Variants in NCKAP1 observed in about 807,000 individuals in gnomAD.
The protein encoded by NCKAP1 is NCK associated protein 1.
Under a neutral mutation model 151.2 loss-of-function variants are expected in NCKAP1, and 21 were observed. The observed-to-expected ratio is 0.14, with a 90% CI of 0.10 to 0.20. The LOEUF is 0.20. Ranked by LOEUF, NCKAP1 falls within the 10% of genes least tolerant of loss-of-function variation. The pLI, the probability that NCKAP1 is intolerant of heterozygous loss-of-function variation, is 1.00. For synonymous variants in NCKAP1, 484 were observed against 451.8 expected (o/e 1.07, Z -0.90); for missense variants, 933 against 1,352.1 (o/e 0.69, Z 4.86).
At chr2:182,964,522 A>G (rs983870475) in intron 17 of NCKAP1, among the ~76,000 whole-genome samples, 154 bp downstream of exon 17, 1 of 152,120 alleles carries the variant, frequency 6.6e-6, no homozygotes, top group Admixed American at 6.6e-5. Flanking sequence ...TATTAAACCT[A>G]TGTATCTGTT....
At chr2:182,976,426 C>A (rs1031215463) in intron 15 of NCKAP1, among the ~76,000 whole-genome samples, 3 of 152,136 alleles carry the variant, frequency 2.0e-5, no homozygotes, top group African/African-American at 7.2e-5. Context: ...TACAGCCATG[C>A]CCATTAAGTT....
At chr2:183,037,840 C>T in intron 1 of NCKAP1, 152 bp downstream of exon 1, 1 of 556,776 alleles carries the variant, frequency 1.8e-6, no homozygotes, top group Non-Finnish European at 3.0e-6. Context: ...TAGGCCGCGG[C>T]GCATCCAGGC....
intron 15 of NCKAP1, among the ~76,000 whole-genome samples, chr2:182,968,619 C>T (rs1398398220): frequency 1.3e-5 from 2 of 152,194 alleles, no homozygotes; most frequent in African/African-American, 4.8e-5. Context: ...ATCTGCAACA[C>T]AAACAGACTG....
intron 21 of NCKAP1, 28 bp from the exon 22 acceptor site, chr2:182,952,951 G>C (rs1387102230): frequency 9.4e-6 from 15 of 1,592,150 alleles, no homozygotes; most frequent in Admixed American, 1.8e-5. Context: ...CTTATAACCG[G>C]AAGAAACTGC....
At chr2:182,951,965 A>G (rs1165445853) in intron 23 of NCKAP1, among the ~76,000 whole-genome samples, 3 of 152,222 alleles carry the variant, frequency 2.0e-5, no homozygotes, top group African/African-American at 7.2e-5. Flanking sequence ...CTTAGAGGGC[A>G]TAAGATAATT....
At chr2:182,982,711 T>C in intron 12 of NCKAP1, 110 bp downstream of exon 12, 2 of 704,392 alleles carry the variant, frequency 2.8e-6, no homozygotes, top group Admixed American at 6.4e-5. Flanking sequence ...TAAATGAATT[T>C]CAACTTAACA....
In NCKAP1 at chr2:182,920,333, CTAAAACTGGTGTT is replaced by C. The variant is rs1696530214; in HGVS notation, c.*5356_*5368del. Reference sequence around the variant, plus strand: ...ATCTCTTTCTACTCAAGGGAAGATGCTAAAACTGGTGTTCATGCAATTAAAGATGACATGAACA... The same window carrying C: ...ATCTCTTTCTACTCAAGGGAAGATGCCATGCAATTAAAGATGACATGAACA... On this transcript the variant is annotated 3_prime_UTR_variant, in exon 31 of 31. Coordinates refer to ENST00000361354, the MANE Select transcript of NCKAP1 (RefSeq NM_013436.5). 1 of 152,054 alleles carries C rather than the reference CTAAAACTGGTGTT, an allele frequency of 6.6e-6. No individual in the cohort carries two copies. The highest frequency in any genetic ancestry group is 2.1e-4 in the South Asian group (1 of 4,824). 9.4% of individuals were successfully genotyped at this position (152,054 alleles called of 1,614,324 possible). A position where few individuals can be genotyped will look rare whatever the true frequency, so the allele number is the denominator to read the frequency against.
At chr2:182,941,020 G>C (rs1398277199) in intron 24 of NCKAP1, among the ~76,000 whole-genome samples, 1 of 152,026 alleles carries the variant, frequency 6.6e-6, no homozygotes, top group Non-Finnish European at 1.5e-5. Flanking sequence ...CAAATATGAA[G>C]TATGTTAAAT....
intron 20 of NCKAP1, among the ~76,000 whole-genome samples, chr2:182,954,594 T>C (rs564915853): frequency 1.3e-5 from 2 of 152,226 alleles, no homozygotes; most frequent in South Asian, 4.1e-4. Context: ...GCTATCTGGC[T>C]GGCCAATATG....
Position 182,915,966 on chromosome 2 carries a change from C to T in NCKAP1, c.*9736G>A, listed in dbSNP as rs184472659. ...ACCTTTTGTCTATTTATACAAGGGG[C>T]TCAGATTCTGCATCTTCTCCCCCTG... On this transcript the variant is annotated 3_prime_UTR_variant, in exon 31 of 31. Coordinates refer to ENST00000361354, the MANE Select transcript of NCKAP1 (RefSeq NM_013436.5). The T allele has an allele frequency of 6.6e-6, 1 of 152,118 alleles. No individual in the cohort carries two copies. The highest frequency in any genetic ancestry group is 1.5e-5 in the Non-Finnish European group (1 of 67,990). The allele number at this position is 152,118 out of a possible 1,614,324, so 9.4% of individuals were successfully genotyped here. A position where few individuals can be genotyped will look rare whatever the true frequency, so the allele number is the denominator to read the frequency against.
At chr2:183,014,641 T>C (rs750812474) in intron 2 of NCKAP1, among the ~76,000 whole-genome samples, 2 of 152,214 alleles carry the variant, frequency 1.3e-5, no homozygotes, top group South Asian at 2.1e-4. Context: ...TAAAAGAAAG[T>C]AAGTACTCTG....
At chr2:182,942,783 G>A (rs1294914242) in intron 23 of NCKAP1, among the ~76,000 whole-genome samples, 1 of 151,790 alleles carries the variant, frequency 6.6e-6, no homozygotes, top group African/African-American at 2.4e-5. Flanking sequence ...AACTATTCAA[G>A]AAAAGTATAA....
intron 6 of NCKAP1, 128 bp downstream of exon 6, chr2:183,001,824 GC>G (rs1234070267): frequency 5.6e-6 from 4 of 715,842 alleles, no homozygotes; most frequent in African/African-American, 5.4e-5. Flanking sequence ...TTAGATAAAA[GC>G]ACACATAACT....
intron 6 of NCKAP1, among the ~76,000 whole-genome samples, chr2:183,000,938 C>CA (rs1698362934): frequency 6.6e-6 from 1 of 151,898 alleles, no homozygotes; most frequent in South Asian, 2.1e-4. Flanking sequence ...ACTAAAAATA[C>CA]AAAAAAATTA....
intron 12 of NCKAP1, 25 bp downstream of exon 12, chr2:182,982,796 A>AT (rs1201813591): frequency 6.8e-7 from 1 of 1,473,890 alleles, no homozygotes; most frequent in Non-Finnish European, 9.3e-7. Flanking sequence ...TACAGAAAAT[A>AT]TTTTTTTAAA....
chr2:182,983,629 C>A (rs982594725), intron 10 of NCKAP1, among the ~76,000 whole-genome samples: 4 of 152,176 alleles, frequency 2.6e-5, no homozygotes, highest in African/African-American at 9.7e-5. Context: ...TCCTACCCAA[C>A]CTTCAAGACC....
At chr2:182,930,500 C>T (rs528293940) in intron 27 of NCKAP1, among the ~76,000 whole-genome samples, 195 bp downstream of exon 27, 1 of 152,100 alleles carries the variant, frequency 6.6e-6, no homozygotes, top group African/African-American at 2.4e-5. Flanking sequence ...GTAATCTCAA[C>T]CAATCTTAAG....
At chr2:182,962,072 T>C (rs967086475) in intron 18 of NCKAP1, 87 bp downstream of exon 18, 30 of 1,361,432 alleles carry the variant, frequency 2.2e-5, no homozygotes, top group South Asian at 1.5e-4. Flanking sequence ...AACTAAAGAA[T>C]GGAAAGTAAA....
chr2:183,034,279 T>C (rs16823949), intron 1 of NCKAP1, among the ~76,000 whole-genome samples: 8,132 of 151,806 alleles, frequency 0.054, 747 homozygotes, highest in African/African-American at 0.19. Context: ...GAGAAAAGGA[T>C]AGGGAAAAAA....
Sources: allele counts gnomAD v4.1 joint callset (sites outside exome capture counted in the v4.1 genomes callset), GRCh38; gene constraint gnomAD v4.1.1; transcripts MANE v1.5; gene names NCBI Gene and HGNC (gene_info 2026-07-23, HGNC 2026-07-21).